Variants in UBE2O observed in about 807,000 individuals in gnomAD.
UBE2O encodes the protein (E3-independent) E2 ubiquitin-conjugating enzyme.
In UBE2O, 15 loss-of-function variants were observed where a neutral mutation model predicts 125.8. The ratio of observed to expected loss-of-function variants is 0.12; its 90% CI spans 0.08 to 0.18. UBE2O has a LOEUF of 0.18. Among genes scored for constraint, UBE2O ranks in the 10% least tolerant of loss-of-function variants. The pLI is 1.00. For missense variants in UBE2O, 1,280 were observed against 1,723.6 expected, an observed-to-expected ratio of 0.74 and a Z score of 4.56; for synonymous variants, 708 against 703.2, an observed-to-expected ratio of 1.01 and a Z score of -0.11.
chr17:76,442,513 C>A (rs2073089447), intron 1 of UBE2O, among the ~76,000 whole-genome samples: 1 of 152,222 alleles, frequency 6.6e-6, no homozygotes, highest in Non-Finnish European at 1.5e-5. Flanking sequence ...TCCCAAGAGT[C>A]TGCATGTGCG....
At position 76,402,770 on chromosome 17, in the gene UBE2O, A is replaced by G; in HGVS notation, c.589-71T>C. The stretch of plus-strand genomic sequence containing the variant: ...TCATGTCCAGGGCACAGATTCCTCT[A>G]TGCCCCACCGAAGACAGGATGGGGG... On this transcript the variant is annotated intron_variant, in intron 3 of 17. Coordinates refer to ENST00000319380, the MANE Select transcript of UBE2O (RefSeq NM_022066.4). The surrounding 1 kb of genome is among the most constrained non-coding windows in gnomAD (Gnocchi z 5.4). 5 of 1,285,516 alleles carry G rather than the reference A, an allele frequency of 3.9e-6. No homozygotes were observed. Among genetic ancestry groups the G allele is most frequent in the Non-Finnish European group, 4.5e-6 (4 of 882,146 alleles). 79.6% of individuals were successfully genotyped at this position (1,285,516 alleles called of 1,614,324 possible). A position where few individuals can be genotyped will look rare whatever the true frequency, so the allele number is the denominator to read the frequency against.
chr17:76,391,886 C>G lies in UBE2O; in HGVS notation c.3150+24G>C. The stretch of plus-strand genomic sequence containing the variant: ...ACCAGTGGCTCTTCCTCCTTCTTGG[C>G]TGGGGGCCTGGCCCTATACTCACCT... On this transcript the variant is annotated intron_variant, in intron 16 of 17. Coordinates refer to ENST00000319380, the MANE Select transcript of UBE2O (RefSeq NM_022066.4). The surrounding 1 kb of genome is among the most constrained non-coding windows in gnomAD (Gnocchi z 8.4). The G allele has an allele frequency of 6.2e-7, 1 of 1,613,702 alleles. No homozygotes were observed. The highest frequency in any genetic ancestry group is 8.5e-7 in the Non-Finnish European group (1 of 1,179,830).
chr17:76,407,631 A>T (rs1173747196), intron 1 of UBE2O, among the ~76,000 whole-genome samples: 1 of 152,184 alleles, frequency 6.6e-6, no homozygotes, highest in Non-Finnish European at 1.5e-5. Context: ...CACTGATGAA[A>T]CACCCTGTTC....
At chr17:76,401,660 G>A (rs547446335) in intron 5 of UBE2O, 90 of 167,252 alleles carry the variant, frequency 5.4e-4, no homozygotes, top group African/African-American at 2.0e-3. Context: ...CAGATCACCC[G>A]AGGTCAAGAG....
In UBE2O at chr17:76,396,921, G is replaced by A. The variant is rs771189634; in HGVS notation, c.2116-100C>T. ...ATCCCTGATCCGCACAGCTGATGGC[G>A]ACTGGGCTCATGAGGCCTTGGCAAC... is the stretch of plus-strand genomic sequence containing the variant. On this transcript the variant is annotated intron_variant, in intron 13 of 17. Coordinates refer to ENST00000319380, the MANE Select transcript of UBE2O (RefSeq NM_022066.4). The surrounding 1 kb of genome is among the most constrained non-coding windows in gnomAD (Gnocchi z 6.7). 38 of 1,116,526 alleles carry A rather than the reference G, an allele frequency of 3.4e-5. No homozygotes were observed. The highest frequency in any genetic ancestry group is 2.1e-4 in the Admixed American group (8 of 38,710). The allele number at this position is 1,116,526 out of a possible 1,614,324, so 69.2% of individuals were successfully genotyped here.
At chr17:76,449,693 C>A (rs754864126) in intron 1 of UBE2O, among the ~76,000 whole-genome samples, 1 of 151,862 alleles carries the variant, frequency 6.6e-6, no homozygotes, top group Non-Finnish European at 1.5e-5. Context: ...CCGAGGCGGG[C>A]GGATCACCTG....
Position 76,398,217 on chromosome 17 carries a change from A to G in UBE2O, c.2025+38T>C. On this transcript the variant is annotated intron_variant, in intron 12 of 17. Coordinates refer to ENST00000319380, the MANE Select transcript of UBE2O (RefSeq NM_022066.4). This position sits in a 1 kb window ranked among gnomAD's most constrained non-coding sequence, Gnocchi z 5.4. The stretch of plus-strand genomic sequence containing the variant: ...AGGGACTGCAGCTGGTGCACAGGGC[A>G]GTGAGCAGCCATCCAGAACTTGAAT... 6.2e-7 allele frequency: 1 copy of G among 1,613,618 alleles called. No individual in the cohort carries two copies. The highest frequency in any genetic ancestry group is 8.5e-7 in the Non-Finnish European group (1 of 1,179,694).
intron 1 of UBE2O, among the ~76,000 whole-genome samples, chr17:76,416,399 A>T (rs547157924): frequency 2.0e-5 from 3 of 151,752 alleles, no homozygotes; most frequent in Admixed American, 6.6e-5. Flanking sequence ...TCTGATGCAC[A>T]CCCCCCAGAG....
chr17:76,420,200 G>A (rs866302541), intron 1 of UBE2O, among the ~76,000 whole-genome samples: 6 of 152,184 alleles, frequency 3.9e-5, no homozygotes, highest in Non-Finnish European at 8.8e-5. Context: ...ATGCTGAAAA[G>A]GAGCCACTCA....
chr17:76,439,722 C>T (rs971033450), intron 1 of UBE2O, among the ~76,000 whole-genome samples: 4 of 152,350 alleles, frequency 2.6e-5, no homozygotes, highest in African/African-American at 9.6e-5. Context: ...GCCTCTCTTG[C>T]CTTTATGCGC....
chr17:76,435,738 G>A (rs1267948123), intron 1 of UBE2O, among the ~76,000 whole-genome samples: 2 of 152,150 alleles, frequency 1.3e-5, no homozygotes, highest in African/African-American at 4.8e-5. Flanking sequence ...GGCCTTCTCT[G>A]GCTCACCTAA....
Position 76,437,735 on chromosome 17 carries a change from AC to A in UBE2O, c.417+14989del, listed in dbSNP as rs2073021905. Among the ~76,000 whole-genome samples, 3 of 152,118 alleles carry A rather than the reference AC, an allele frequency of 2.0e-5. No homozygotes were observed. In the South Asian group the frequency reaches 6.2e-4, roughly 31 times the overall value. On this transcript the variant is annotated intron_variant, in intron 1 of 17. Coordinates refer to ENST00000319380, the MANE Select transcript of UBE2O (RefSeq NM_022066.4). The stretch of plus-strand genomic sequence containing the variant: ...TGCCTGGCTCAATGTCAATTTTTTT[AC>A]TTTCGACAAATATATATCATGATAT...
At position 76,402,315 on chromosome 17, in the gene UBE2O, TTGCTCAGCACCATCACA is replaced by T. The variant is rs2072341296; in HGVS notation, c.687-205_687-189del. Among the ~76,000 whole-genome samples the T allele has an allele frequency of 6.6e-6, 1 of 152,190 alleles. No homozygotes were observed. The highest frequency in any genetic ancestry group is 2.1e-4 in the South Asian group (1 of 4,828). ...AAGACCCCAAGTGCCACTGGAGTGC[TTGCTCAGCACCATCACA>T]GTGCCTCAAGTAAAGCATCAGCCTC... On this transcript the variant is annotated intron_variant, in intron 4 of 17. Coordinates refer to ENST00000319380, the MANE Select transcript of UBE2O (RefSeq NM_022066.4). This position sits in a 1 kb window ranked among gnomAD's most constrained non-coding sequence, Gnocchi z 5.4.
chr17:76,451,806 A>G (rs910427179), intron 1 of UBE2O, among the ~76,000 whole-genome samples: 6 of 149,748 alleles, frequency 4.0e-5, no homozygotes, highest in Admixed American at 2.7e-4. Flanking sequence ...GTGTGTGTCA[A>G]TTACTGATAG....
At chr17:76,417,916 T>C (rs1231339047) in intron 1 of UBE2O, among the ~76,000 whole-genome samples, 1 of 152,210 alleles carries the variant, frequency 6.6e-6, no homozygotes, top group Non-Finnish European at 1.5e-5. Flanking sequence ...CTGTTTCCGC[T>C]GGTATTTGAG....
At chr17:76,416,234 A>G (rs1351309483) in intron 1 of UBE2O, among the ~76,000 whole-genome samples, 1 of 151,892 alleles carries the variant, frequency 6.6e-6, no homozygotes, top group Non-Finnish European at 1.5e-5. Flanking sequence ...GTATATGTGT[A>G]TATATGTGTG....
At chr17:76,418,467 T>G (rs912969324) in intron 1 of UBE2O, among the ~76,000 whole-genome samples, 5 of 152,152 alleles carry the variant, frequency 3.3e-5, no homozygotes, top group Non-Finnish European at 4.4e-5. Flanking sequence ...AGCCAACAGT[T>G]GGAGGAAGTT....
Position 76,453,125 on chromosome 17 carries a change from G to C in UBE2O, c.17C>G (p.Ala6Gly). The C allele has an allele frequency of 1.3e-6, 1 of 743,294 alleles. No individual in the cohort carries two copies. Among genetic ancestry groups the C allele is most frequent in the Non-Finnish European group, 1.9e-6 (1 of 523,544 alleles). The allele number at this position is 743,294 out of a possible 1,614,324, so 46.0% of individuals were successfully genotyped here. ...TGGAGCGGGAGCTGCGGGCGTGGGG[G>C]CTGCGGGATCCGCCATAACTGCTCT... MADPA[A>G]PTPAAPAPAQ... Residue 6 changes from alanine (A) to glycine (G), a missense_variant, in exon 1 of 18, where the codon GCC becomes GGC. This residue lies in a region of UBE2O where 188 missense variants were observed against 192.5 expected (regional missense o/e 0.98). Coordinates refer to ENST00000319380, the MANE Select transcript of UBE2O (RefSeq NM_022066.4).
rs551014207 is a variant in UBE2O at position 76,435,559 on chromosome 17, C to A, written c.417+17166G>T. On this transcript the variant is annotated intron_variant, in intron 1 of 17. Transcript: ENST00000319380. ...GGGCTTGGAAACACAGGGAAACAGA[C>A]GCAGAGCTAAATTATCCCCCAGCAG... Among the ~76,000 whole-genome samples, 6 of 152,246 alleles carry A rather than the reference C, an allele frequency of 3.9e-5. 1 individual carries two copies. The South Asian group carries it at 1.2e-3, about 32-fold the overall frequency.
Sources: allele counts gnomAD v4.1 joint callset (sites outside exome capture counted in the v4.1 genomes callset), GRCh38; gene constraint gnomAD v4.1.1; regional missense constraint gnomAD v4.1.1; non-coding constraint Gnocchi (gnomAD v3.1); transcripts MANE v1.5; gene names NCBI Gene and HGNC (gene_info 2026-07-23, HGNC 2026-07-21).